FER: variants seen among roughly 807,000 people sequenced by gnomAD.
The protein encoded by FER is tyrosine-protein kinase Fer.
A neutral mutation model predicts 111.0 loss-of-function variants in FER; 63 were observed. The ratio of observed to expected loss-of-function variants is 0.57; its 90% CI spans 0.46 to 0.70. The LOEUF (loss-of-function observed/expected upper bound fraction) is 0.70, where lower values mean the gene tolerates loss of function less well. Ranked by LOEUF, FER falls within the 30% of genes least tolerant of loss-of-function variation. The pLI, the probability that FER is intolerant of heterozygous loss-of-function variation, is 0.00. For synonymous variants in FER, 327 were observed against 313.9 expected, an observed-to-expected ratio of 1.04 and a Z score of -0.44; for missense variants, 914 against 954.0, an observed-to-expected ratio of 0.96 and a Z score of 0.55.
intron 3 of FER, among the ~76,000 whole-genome samples, chr5:108,831,583 A>G (rs1240980051): frequency 6.6e-6 from 1 of 152,202 alleles, no homozygotes; most frequent in African/African-American, 2.4e-5. Context: ...TCATTTCACA[A>G]CTAAAAATAG....
intron 17 of FER, among the ~76,000 whole-genome samples, chr5:109,163,769 C>T (rs1406508819): frequency 6.6e-6 from 1 of 152,086 alleles, no homozygotes; most frequent in African/African-American, 2.4e-5. Flanking sequence ...AAATACTAAA[C>T]ATTTTTTTAA....
At chr5:108,937,759 A>G (rs912736914) in intron 10 of FER, among the ~76,000 whole-genome samples, 6 of 151,782 alleles carry the variant, frequency 4.0e-5, no homozygotes, top group African/African-American at 9.7e-5. Context: ...AGATTGGTGA[A>G]ATGGAGTCTG....
chr5:109,058,836 G>T (rs1189651619), intron 16 of FER, among the ~76,000 whole-genome samples: 1 of 144,806 alleles, frequency 6.9e-6, no homozygotes. Flanking sequence ...GGGTTCAAGA[G>T]ATTCTCCTGC....
At chr5:109,107,145 G>T (rs1749033262) in intron 17 of FER, among the ~76,000 whole-genome samples, 1 of 152,084 alleles carries the variant, frequency 6.6e-6, no homozygotes, top group Non-Finnish European at 1.5e-5. Flanking sequence ...GAGAAAATTG[G>T]CTGATGTCTC....
At chr5:109,182,623 G>T (rs1394991030) in intron 18 of FER, among the ~76,000 whole-genome samples, 2 of 152,110 alleles carry the variant, frequency 1.3e-5, no homozygotes, top group Non-Finnish European at 2.9e-5. Context: ...CCTTGAATTT[G>T]CTCTTAACTC....
chr5:108,824,002 C>G (rs1464707447), intron 3 of FER, among the ~76,000 whole-genome samples: 1 of 152,030 alleles, frequency 6.6e-6, no homozygotes, highest in African/African-American at 2.4e-5. Context: ...TGTGGATATC[C>G]AGTTTTCCCA....
chr5:108,757,583 A>T (rs1481176453), intron 1 of FER, among the ~76,000 whole-genome samples: 2 of 152,200 alleles, frequency 1.3e-5, no homozygotes, highest in Non-Finnish European at 2.9e-5. Context: ...AAACATTTTC[A>T]TTGAGTGTTC....
intron 14 of FER, among the ~76,000 whole-genome samples, chr5:109,042,577 T>G (rs535130943): frequency 6.6e-6 from 1 of 152,336 alleles, no homozygotes; most frequent in South Asian, 2.1e-4. Context: ...AATTAATGTT[T>G]AAATTTTTCA....
rs147864248 is a variant in FER at position 109,075,984 on chromosome 5, A to C, written c.1925-24412A>C. Among the ~76,000 whole-genome samples, 619 of 152,052 alleles carry C rather than the reference A, an allele frequency of 4.1e-3. 5 individuals carry two copies. The highest frequency in any genetic ancestry group is 0.014 in the African/African-American group (577 of 41,490). ...TATAATGTATCTTCAGAAAAGAAAA[A>C]TGAAAAAAAAAATTAGAAGCTATTT... On this transcript the variant is annotated intron_variant, in intron 16 of 19. Coordinates refer to ENST00000281092, the MANE Select transcript of FER (RefSeq NM_005246.4).
At chr5:108,875,402 C>G (rs1561546798) in intron 8 of FER, among the ~76,000 whole-genome samples, 1 of 152,004 alleles carries the variant, frequency 6.6e-6, no homozygotes, top group Admixed American at 6.6e-5. Context: ...CCATCTGCCT[C>G]TTTTTTTGCA....
chr5:108,949,979 A>G (rs1312368396), intron 11 of FER, among the ~76,000 whole-genome samples: 1 of 152,164 alleles, frequency 6.6e-6, no homozygotes, highest in Non-Finnish European at 1.5e-5. Flanking sequence ...GCATGTTATT[A>G]CCAATAAATG....
chr5:108,932,021 T>C (rs1173876966), intron 10 of FER, among the ~76,000 whole-genome samples: 1 of 147,834 alleles, frequency 6.8e-6, no homozygotes, highest in Non-Finnish European at 1.5e-5. Context: ...TATCACTTGG[T>C]TACATTTTTT....
chr5:109,074,272 T>C (rs1164016244), intron 16 of FER, among the ~76,000 whole-genome samples: 3 of 152,184 alleles, frequency 2.0e-5, no homozygotes, highest in Non-Finnish European at 4.4e-5. Flanking sequence ...TTCCACACTT[T>C]TCAGTTGCTA....
At chr5:109,027,218 T>C (rs1768878668) in intron 13 of FER, among the ~76,000 whole-genome samples, 1 of 152,166 alleles carries the variant, frequency 6.6e-6, no homozygotes, top group African/African-American at 2.4e-5. Context: ...TCCAGTATTT[T>C]TTGTAATTAA....
Position 108,841,609 on chromosome 5 carries a change from T to C in FER, c.481+5802T>C, listed in dbSNP as rs893980757. Among the ~76,000 whole-genome samples, 3 of 152,286 alleles carry C rather than the reference T, an allele frequency of 2.0e-5. No individual in the cohort carries two copies. In the East Asian group the frequency reaches 5.8e-4, roughly 29 times the overall value. On this transcript the variant is annotated intron_variant, in intron 5 of 19. Transcript: ENST00000281092. ...TGACTATCATCAATGCTGTTGTTGT[T>C]CATGGGAAATAATTCTAATGTGGGT...
intron 10 of FER, among the ~76,000 whole-genome samples, chr5:108,945,473 A>G (rs1350688935): frequency 6.6e-6 from 1 of 152,082 alleles, no homozygotes; most frequent in Non-Finnish European, 1.5e-5. Context: ...TATGATATTC[A>G]GAAATACACA....
intron 16 of FER, among the ~76,000 whole-genome samples, chr5:109,080,579 CTGG>C (rs1252239039): frequency 6.6e-6 from 1 of 152,020 alleles, no homozygotes; most frequent in East Asian, 1.9e-4. Flanking sequence ...AGTAAGTTCT[CTGG>C]CAATCTGTAA....
intron 18 of FER, among the ~76,000 whole-genome samples, chr5:109,181,181 T>C (rs1362596883): frequency 6.6e-6 from 1 of 152,208 alleles, no homozygotes; most frequent in East Asian, 1.9e-4. Context: ...TTGTAATAGA[T>C]TATACAGAGT....
intron 1 of FER, among the ~76,000 whole-genome samples, chr5:108,749,177 C>T (rs990944381): frequency 1.3e-5 from 2 of 150,194 alleles, no homozygotes; most frequent in East Asian, 3.9e-4. Context: ...TCAGCCAGCG[C>T]CCCCCCCAAC....
Sources: allele counts gnomAD v4.1 joint callset (sites outside exome capture counted in the v4.1 genomes callset), GRCh38; gene constraint gnomAD v4.1.1; transcripts MANE v1.5; gene names NCBI Gene and HGNC (gene_info 2026-07-23, HGNC 2026-07-21).